Variants in ENPP1 observed in about 807,000 individuals in gnomAD.
ENPP1 encodes the protein ectonucleotide pyrophosphatase/phosphodiesterase family member 1.
Under a neutral mutation model 122.8 loss-of-function variants are expected in ENPP1, and 73 were observed. The observed-to-expected ratio is 0.59, with a 90% CI of 0.49 to 0.72. The LOEUF (loss-of-function observed/expected upper bound fraction) is 0.72, where lower values mean the gene tolerates loss of function less well. ENPP1 is among the 30% of genes least tolerant of loss of function. The pLI, the probability that ENPP1 is intolerant of heterozygous loss-of-function variation, is 0.00. For synonymous variants in ENPP1, 367 were observed against 391.6 expected, an observed-to-expected ratio of 0.94 and a Z score of 0.74; for missense variants, 978 against 1,128.1, an observed-to-expected ratio of 0.87 and a Z score of 1.91.
chr6:131,863,149 A>T (rs969676835), intron 9 of ENPP1, among the ~76,000 whole-genome samples: 3 of 152,226 alleles, frequency 2.0e-5, no homozygotes, highest in African/African-American at 7.2e-5. Flanking sequence ...AGATGAGTGT[A>T]TTAAAGAGGA....
At chr6:131,842,112 C>T (rs576869894) in intron 1 of ENPP1, among the ~76,000 whole-genome samples, 42 of 152,274 alleles carry the variant, frequency 2.8e-4, no homozygotes, top group African/African-American at 1.0e-3. Context: ...AACCCCCGGT[C>T]CTTGGCAAGT....
intron 1 of ENPP1, 152 bp downstream of exon 1, chr6:131,808,427 C>G: frequency 9.4e-7 from 1 of 1,061,896 alleles, no homozygotes; most frequent in African/African-American, 1.7e-5. Context: ...TCCTCCGCAG[C>G]CTTTGCAAGT....
At chr6:131,833,949 C>G (rs573707188) in intron 1 of ENPP1, among the ~76,000 whole-genome samples, 3 of 152,170 alleles carry the variant, frequency 2.0e-5, no homozygotes, top group Admixed American at 6.5e-5. Flanking sequence ...GAGGAGGGAC[C>G]CTTTAGCCTT....
At chr6:131,887,159 C>CT (rs1158238177) in intron 24 of ENPP1, among the ~76,000 whole-genome samples, 1 of 151,848 alleles carries the variant, frequency 6.6e-6, no homozygotes, top group Admixed American at 6.6e-5. Context: ...TGGATTTTCT[C>CT]TTTTTTTAAA....
Position 131,868,133 on chromosome 6 carries a change from T to A in ENPP1, c.1273+7T>A. 6.3e-7 allele frequency: 1 copy of A among 1,589,334 alleles called. No individual in the cohort carries two copies. On this transcript the variant is annotated splice_region_variant and intron_variant, in intron 12 of 24. Transcript: ENST00000647893. ...ATCCTTATTTCAGATCATGGTAATC[T>A]GAATTTGCATTATTTACTCTTCAGG...
In ENPP1 at chr6:131,845,411, A is replaced by G. The variant is rs577258047; in HGVS notation, c.241-2365A>G. 1.9e-4 allele frequency among the ~76,000 whole-genome samples: 28 copies of G among 148,718 alleles called. No homozygotes were observed. In the South Asian group the frequency reaches 5.5e-3, roughly 29 times the overall value. Reference sequence around the variant, plus strand: ...CTATGTTTTATTTTCTTATACATTTATAATTGACAGTAAAACAGTTTTTGT... The same window carrying G: ...CTATGTTTTATTTTCTTATACATTTGTAATTGACAGTAAAACAGTTTTTGT... On this transcript the variant is annotated intron_variant, in intron 1 of 24. Coordinates refer to ENST00000647893, the MANE Select transcript of ENPP1 (RefSeq NM_006208.3).
rs1174211658 is a variant in ENPP1 at position 131,833,640 on chromosome 6, G to T, written c.241-14136G>T. On this transcript the variant is annotated intron_variant, in intron 1 of 24. Coordinates refer to ENST00000647893, the MANE Select transcript of ENPP1 (RefSeq NM_006208.3). ...TTTTATTTTATACCTTTAAACATTT[G>T]CTCCATTTGCCATTGTATTTTGTTA... is the stretch of plus-strand genomic sequence containing the variant. 5.3e-5 allele frequency among the ~76,000 whole-genome samples: 8 copies of T among 152,122 alleles called. No individual in the cohort carries two copies. In the South Asian group the frequency reaches 1.7e-3, roughly 32 times the overall value.
chr6:131,850,702 G>A (rs1293778213), intron 3 of ENPP1, among the ~76,000 whole-genome samples: 3 of 152,106 alleles, frequency 2.0e-5, no homozygotes, highest in Middle Eastern at 3.2e-3. Flanking sequence ...CCAAGTAGCT[G>A]GAACTACAGG....
rs550492826 is a variant in ENPP1, at chr6:131,879,479, G to A, written c.1946-401G>A. On this transcript the variant is annotated intron_variant, in intron 19 of 24. Coordinates refer to ENST00000647893, the MANE Select transcript of ENPP1 (RefSeq NM_006208.3). ...TATTGTTATTGTTTTATTTAGTTTA[G>A]TCTCATAATTTCAATTCTGAACTTC... Among the ~76,000 whole-genome samples the A allele has an allele frequency of 8.5e-5, 13 of 152,166 alleles. No individual in the cohort carries two copies. In the South Asian group the frequency reaches 2.5e-3, roughly 29 times the overall value.
chr6:131,863,555 G>C (rs1211614232), intron 9 of ENPP1, among the ~76,000 whole-genome samples: 1 of 151,982 alleles, frequency 6.6e-6, no homozygotes, highest in Non-Finnish European at 1.5e-5. Context: ...TGGTTCCCAG[G>C]AGCACAGTGC....
chr6:131,861,497 G>C, intron 8 of ENPP1, 98 bp from the exon 9 acceptor site: 1 of 790,352 alleles, frequency 1.3e-6, no homozygotes, highest in Non-Finnish European at 2.3e-6. Flanking sequence ...AAGCATTCTA[G>C]CACTAGAGAG....
At chr6:131,873,622 G>A (rs1435310168) in intron 15 of ENPP1, among the ~76,000 whole-genome samples, 2 of 151,652 alleles carry the variant, frequency 1.3e-5, no homozygotes, top group African/African-American at 4.8e-5. Flanking sequence ...GTTTATTGGT[G>A]TGTTTGGCAA....
rs567316197 is a variant in ENPP1, at chr6:131,874,297, G to A, written c.1595G>A (p.Ser532Asn). The change falls in exon 16 of 25, where the codon AGT becomes AAT. Residue 532 changes from serine to asparagine, a missense_variant. Coordinates refer to ENST00000647893, the MANE Select transcript of ENPP1 (RefSeq NM_006208.3). ...CCCTCAGAAAGGAAATATTGTGGAA[G>A]TGGATTTCATGGCTCTGACAATGTA... The part of the protein sequence containing the change: ...LNPSERKYCG[S>N]GFHGSDNVFS... 3.8e-6 allele frequency: 6 copies of A among 1,598,334 alleles called. No individual in the cohort carries two copies. In the East Asian group the frequency reaches 1.3e-4, roughly 36 times the overall value.
intron 1 of ENPP1, among the ~76,000 whole-genome samples, chr6:131,824,927 G>A (rs9372997): frequency 0.54 from 81,672 of 151,420 alleles, 22,450 homozygotes; most frequent in East Asian, 0.74. Flanking sequence ...TGTTGTCGTG[G>A]CACACACCTG....
intron 4 of ENPP1, chr6:131,851,521 C>T: frequency 2.2e-6 from 1 of 463,232 alleles, no homozygotes; most frequent in Non-Finnish European, 3.9e-6. Context: ...AATATTTTAT[C>T]TATAACCACT....
chr6:131,878,210 C>T (rs1156344914), intron 18 of ENPP1, among the ~76,000 whole-genome samples: 1 of 151,770 alleles, frequency 6.6e-6, no homozygotes, highest in Non-Finnish European at 1.5e-5. Flanking sequence ...GACTGGGCAA[C>T]ATAGTGAGAC....
rs185779049 is a variant in ENPP1 at position 131,809,046 on chromosome 6, G to A, written c.240+771G>A. 1.0e-3 allele frequency among the ~76,000 whole-genome samples: 155 copies of A among 152,250 alleles called. 1 individual carries two copies. Among genetic ancestry groups the A allele is most frequent in the Non-Finnish European group, 4.0e-4 (27 of 68,014 alleles). ...CCTGGATTCCTGGCTGTTATTATTT[G>A]CTGAGGCCTTGCGTAACTGTCCCTA... On this transcript the variant is annotated intron_variant, in intron 1 of 24. Transcript: ENST00000647893.
intron 24 of ENPP1, among the ~76,000 whole-genome samples, chr6:131,888,030 T>G (rs991463382): frequency 4.0e-5 from 6 of 151,716 alleles, no homozygotes; most frequent in Admixed American, 2.0e-4. Flanking sequence ...CCCAGCTAAT[T>G]TTTGTATTTT....
rs1210971879 is a variant in ENPP1, at chr6:131,846,825, T to G, written c.241-951T>G. Among the ~76,000 whole-genome samples, 4 of 152,210 alleles carry G rather than the reference T, an allele frequency of 2.6e-5. No individual in the cohort carries two copies. The South Asian group carries it at 8.3e-4, about 32-fold the overall frequency. On this transcript the variant is annotated intron_variant, in intron 1 of 24. Coordinates refer to ENST00000647893, the MANE Select transcript of ENPP1 (RefSeq NM_006208.3). Reference sequence around the variant, plus strand: ...CACTAAAAAAAATTGAGGATTGTTTTGTGGGTTATTCCGCTCCTTTGTCTT... The same window carrying G: ...CACTAAAAAAAATTGAGGATTGTTTGGTGGGTTATTCCGCTCCTTTGTCTT...
Sources: gnomAD v4.1 joint callset for allele counts (sites outside exome capture counted in the v4.1 genomes callset) on GRCh38, gnomAD v4.1.1 for gene constraint, MANE v1.5 for transcripts, NCBI Gene and HGNC (gene_info 2026-07-23, HGNC 2026-07-21) for gene names.